Variants in PABPC4L observed in about 807,000 individuals in gnomAD.
PABPC4L encodes the protein polyadenylate-binding protein 4-like.
For missense variants in PABPC4L, 452 were observed against 451.4 expected (o/e 1.00, Z -0.01); for synonymous variants, 169 against 164.1 (o/e 1.03, Z -0.23).
chr4:134,137,972 A>G, the PABPC4L span, among the ~76,000 whole-genome samples: 1 of 151,812 alleles, frequency 6.6e-6, no homozygotes, highest in African/African-American at 2.4e-5. Flanking sequence ...TATGTGAGAA[A>G]TTCCATTACT....
the PABPC4L span, among the ~76,000 whole-genome samples, chr4:134,023,322 A>T: frequency 6.6e-6 from 1 of 152,170 alleles, no homozygotes; most frequent in Non-Finnish European, 1.5e-5. Context: ...CCTGTAATAT[A>T]ATTCAAAATT....
At chr4:134,141,980 C>T in the PABPC4L span, among the ~76,000 whole-genome samples, 10 of 151,706 alleles carry the variant, frequency 6.6e-5, no homozygotes, top group South Asian at 2.1e-4. Flanking sequence ...CTCACACTGA[C>T]GACTGCCTTC....
At chr4:133,983,787 T>C in the PABPC4L span, among the ~76,000 whole-genome samples, 3 of 151,836 alleles carry the variant, frequency 2.0e-5, no homozygotes, top group African/African-American at 4.8e-5. Context: ...ACTCAGAAAG[T>C]GTAATTCCTG....
the PABPC4L span, among the ~76,000 whole-genome samples, chr4:134,146,120 T>C: frequency 4.6e-5 from 7 of 152,086 alleles, no homozygotes; most frequent in South Asian, 1.4e-3. Flanking sequence ...ATATTTTATT[T>C]ACTCATGTTG....
At chr4:134,097,072 T>G in the PABPC4L span, among the ~76,000 whole-genome samples, 1 of 151,960 alleles carries the variant, frequency 6.6e-6, no homozygotes, top group Admixed American at 6.6e-5. Flanking sequence ...TTACTTTTGG[T>G]TGAGGAGAAA....
At chr4:134,084,585 A>G in the PABPC4L span, among the ~76,000 whole-genome samples, 1 of 152,146 alleles carries the variant, frequency 6.6e-6, no homozygotes, top group Non-Finnish European at 1.5e-5. Context: ...TGGATCTACT[A>G]AAATATGTTC....
chr4:134,177,353 T>A, the PABPC4L span, among the ~76,000 whole-genome samples: 9 of 151,990 alleles, frequency 5.9e-5, no homozygotes, highest in Admixed American at 1.3e-4. Flanking sequence ...TTTTTGTATT[T>A]TTAGTAGAGA....
chr4:134,165,305 G>T, the PABPC4L span, among the ~76,000 whole-genome samples: 1 of 152,010 alleles, frequency 6.6e-6, no homozygotes, highest in African/African-American at 2.4e-5. Flanking sequence ...AAATTAAAAA[G>T]CTTCTGCACA....
At chr4:134,113,046 T>G in the PABPC4L span, among the ~76,000 whole-genome samples, 1 of 151,896 alleles carries the variant, frequency 6.6e-6, no homozygotes, top group Non-Finnish European at 1.5e-5. Flanking sequence ...TTGAAAAATT[T>G]AAAAATGGAA....
chr4:134,071,081 T>C, the PABPC4L span, among the ~76,000 whole-genome samples: 25 of 152,274 alleles, frequency 1.6e-4, 1 homozygote, highest in African/African-American at 5.5e-4. Flanking sequence ...CCCTGATAGC[T>C]GAAGTGTTTG....
At chr4:134,138,941 G>C in the PABPC4L span, among the ~76,000 whole-genome samples, 5 of 151,880 alleles carry the variant, frequency 3.3e-5, no homozygotes, top group East Asian at 9.7e-4. Flanking sequence ...ATATCAGCTA[G>C]TGAAAGAAAA....
the PABPC4L span, among the ~76,000 whole-genome samples, chr4:134,180,524 C>G: frequency 6.6e-5 from 10 of 151,584 alleles, no homozygotes; most frequent in East Asian, 1.8e-3. Context: ...CAAGAAATAA[C>G]CAAAGTTAGA....
At chr4:134,147,389 T>G in the PABPC4L span, among the ~76,000 whole-genome samples, 16 of 152,150 alleles carry the variant, frequency 1.1e-4, no homozygotes, top group Admixed American at 2.6e-4. Context: ...TAAACTTCCT[T>G]TAATTTAACT....
At chr4:134,044,883 TG>T in the PABPC4L span, among the ~76,000 whole-genome samples, 1 of 152,294 alleles carries the variant, frequency 6.6e-6, no homozygotes, top group African/African-American at 2.4e-5. Context: ...AATCTCATTT[TG>T]TTTTAACCTA....
the PABPC4L span, among the ~76,000 whole-genome samples, chr4:134,178,160 C>A: frequency 6.6e-6 from 1 of 151,934 alleles, no homozygotes; most frequent in African/African-American, 2.4e-5. Context: ...TTAGGGCTGA[C>A]CTCACAAGGA....
the PABPC4L span, among the ~76,000 whole-genome samples, chr4:134,112,204 T>A: frequency 0.019 from 2,813 of 152,006 alleles, 86 homozygotes; most frequent in African/African-American, 0.064. Flanking sequence ...GCTAAAAATA[T>A]TATAAAGATA....
chr4:134,189,494 TG>T, the PABPC4L span, among the ~76,000 whole-genome samples: 1 of 151,956 alleles, frequency 6.6e-6, no homozygotes, highest in Non-Finnish European at 1.5e-5. Flanking sequence ...CATATATACA[TG>T]GTATAAATGG....
In PABPC4L at chr4:134,200,163, C is replaced by A; in HGVS notation, c.857G>T (p.Arg286Leu). Reference sequence around the variant, plus strand: ...TTTTACCCCCTGGCACCCACGAATTCGTTCCCTTTTCAGCTGCTCAAACAT... The same window carrying A: ...TTTTACCCCCTGGCACCCACGAATTAGTTCCCTTTTCAGCTGCTCAAACAT... ...KQMFEQLKRERIRGCQGVKLY... is the reference protein window; with the variant it reads ...KQMFEQLKRELIRGCQGVKLY... Residue 286 changes from arginine to leucine, a missense_variant, in exon 2 of 2, where the codon CGA becomes CTA. Transcript: ENST00000421491. 6.4e-7 allele frequency: 1 copy of A among 1,551,642 alleles called. No individual in the cohort carries two copies.
chr4:133,959,162 C>CT, the PABPC4L span, among the ~76,000 whole-genome samples: 44,769 of 152,078 alleles, frequency 0.29, 9,932 homozygotes, highest in African/African-American at 0.59. Flanking sequence ...AGCAAAATTT[C>CT]TTTAAGTATC....
Sources: allele counts gnomAD v4.1 joint callset (sites outside exome capture counted in the v4.1 genomes callset), GRCh38; gene constraint gnomAD v4.1.1; transcripts MANE v1.5; gene names NCBI Gene and HGNC (gene_info 2026-07-23, HGNC 2026-07-21).